The following ERMP1 variants were observed in gnomAD, a reference collection of about 807,000 sequenced individuals.
ERMP1 encodes Felix-ina.
Under a neutral mutation model 92.0 loss-of-function variants are expected in ERMP1, and 86 were observed. That is an observed-to-expected ratio of 0.93 (90% CI 0.79 to 1.12). The LOEUF is 1.12. Among genes scored for constraint, ERMP1 ranks in the 50% most tolerant of loss-of-function variants. The pLI, the probability that ERMP1 is intolerant of heterozygous loss-of-function variation, is 0.00. For synonymous variants in ERMP1, 530 were observed against 412.8 expected (o/e 1.28, Z -3.44); for missense variants, 1,342 against 1,116.3 (o/e 1.20, Z -2.88).
chr9:5,832,158 G>A (rs10975308), intron 1 of ERMP1, among the ~76,000 whole-genome samples: 1 of 151,740 alleles, frequency 6.6e-6, no homozygotes, highest in African/African-American at 2.4e-5. Flanking sequence ...GCAGGGATCT[G>A]AGAATTTATC....
chr9:5,836,083 C>G (rs1355483746), upstream of ERMP1, among the ~76,000 whole-genome samples: 5 of 152,204 alleles, frequency 3.3e-5, no homozygotes, highest in Admixed American at 6.5e-5. Flanking sequence ...AAAGTAAGAG[C>G]TAAACTGACT....
At position 5,832,735 on chromosome 9, in the gene ERMP1, C is replaced by T. The variant is rs1293064392; in HGVS notation, c.293G>A (p.Arg98His). 10 of 1,496,454 alleles carry T rather than the reference C, an allele frequency of 6.7e-6. No homozygotes were observed. Among genetic ancestry groups the T allele is most frequent in the Non-Finnish European group, 8.8e-6 (10 of 1,131,728 alleles). 92.7% of individuals were successfully genotyped at this position (1,496,454 alleles called of 1,614,324 possible). A position where few individuals can be genotyped will look rare whatever the true frequency, so the allele number is the denominator to read the frequency against. The change falls in exon 1 of 15, where the codon CGC (arginine) becomes CAC (histidine). Residue 98 changes from arginine (R) to histidine (H), a missense_variant. Arg to His is a conservative substitution (Grantham distance 29). Transcript: ENST00000339450. Reference protein sequence around the residue: ...VQLSLQQLVLRGAAGHRGEFD... With the variant: ...VQLSLQQLVLHGAAGHRGEFD... The stretch of plus-strand genomic sequence containing the variant: ...CTCCCCGCGGTGTCCAGCGGCCCCG[C>T]GTAGCACGAGCTGCTGCAGCGAGAG...
chr9:5,835,313 C>G (rs1830078443), upstream of ERMP1, among the ~76,000 whole-genome samples: 1 of 151,634 alleles, frequency 6.6e-6, no homozygotes, highest in South Asian at 2.1e-4. Flanking sequence ...AATGTTTCTA[C>G]CTTCAGAGAG....
intron 5 of ERMP1, among the ~76,000 whole-genome samples, chr9:5,860,983 T>G (rs1379985248): frequency 6.6e-6 from 1 of 152,204 alleles, no homozygotes. Flanking sequence ...TGCCAGCACC[T>G]TGATATTGGA....
At chr9:5,804,941 G>C in intron 10 of ERMP1, 86 bp downstream of exon 10, 4 of 1,007,182 alleles carry the variant, frequency 4.0e-6, no homozygotes, top group Non-Finnish European at 5.9e-6. Context: ...TAAAGTACAC[G>C]TAACACTATT....
intron 8 of ERMP1, among the ~76,000 whole-genome samples, chr9:5,809,591 T>C (rs983658435): frequency 6.6e-6 from 1 of 152,240 alleles, no homozygotes; most frequent in African/African-American, 2.4e-5. Context: ...GTGTTAATGC[T>C]GTGTGTCAGA....
intron 6 of ERMP1, among the ~76,000 whole-genome samples, chr9:5,843,244 C>G (rs1036470591): frequency 2.0e-5 from 3 of 152,226 alleles, no homozygotes; most frequent in African/African-American, 7.2e-5. Context: ...AACCATAGCT[C>G]TGCGGAATTT....
chr9:5,819,875 G>A (rs888077915), intron 4 of ERMP1, among the ~76,000 whole-genome samples: 30 of 152,318 alleles, frequency 2.0e-4, no homozygotes, highest in Middle Eastern at 3.4e-3. Context: ...GGGGGAAAAT[G>A]GGAGTGACTG....
At chr9:5,818,027 A>G (rs900128528) in intron 4 of ERMP1, among the ~76,000 whole-genome samples, 7 of 152,290 alleles carry the variant, frequency 4.6e-5, no homozygotes, top group Non-Finnish European at 1.0e-4. Context: ...AGAATAGATC[A>G]CATGGTGGAT....
intron 8 of ERMP1, among the ~76,000 whole-genome samples, chr9:5,807,556 G>A (rs1259861059): frequency 2.0e-5 from 3 of 152,102 alleles, no homozygotes; most frequent in East Asian, 3.9e-4. Flanking sequence ...GACCAGCCTG[G>A]CCAACATGGT....
chr9:5,863,333 G>C (rs1017914264), intron 5 of ERMP1, among the ~76,000 whole-genome samples: 1 of 152,138 alleles, frequency 6.6e-6, no homozygotes, highest in Admixed American at 6.5e-5. Context: ...CCTGGGATTT[G>C]GCATATCCCA....
At chr9:5,838,562 T>C (rs1023516915) in intron 6 of ERMP1, among the ~76,000 whole-genome samples, 1 of 151,556 alleles carries the variant, frequency 6.6e-6, no homozygotes, top group African/African-American at 2.4e-5. Flanking sequence ...GAAGAATTCA[T>C]GGTTTTTGAT....
Position 5,787,310 on chromosome 9 carries a change from T to G in ERMP1, c.2551-2A>C. ...TCCTTCAGGATGTTCTTCTGAAACC[T>G]GCCAGAGAAAATCAATTAGTTCTCC... On this transcript the variant is annotated splice_acceptor_variant, in intron 14 of 14. Transcript: ENST00000339450. LOFTEE classifies it high-confidence loss of function. The G allele has an allele frequency of 6.2e-7, 1 of 1,610,854 alleles. No homozygotes were observed. The highest frequency in any genetic ancestry group is 8.5e-7 in the Non-Finnish European group (1 of 1,178,714).
intron 5 of ERMP1, among the ~76,000 whole-genome samples, chr9:5,862,069 A>G (rs980806102): frequency 3.9e-5 from 6 of 151,926 alleles, no homozygotes; most frequent in Non-Finnish European, 8.8e-5. Flanking sequence ...TCCTTCTGTC[A>G]CCCCAGCTGG....
chr9:5,858,985 C>T (rs1471436624), intron 6 of ERMP1, among the ~76,000 whole-genome samples: 3 of 152,212 alleles, frequency 2.0e-5, no homozygotes, highest in African/African-American at 7.2e-5. Flanking sequence ...CAGACATGAA[C>T]TAATTTCATA....
At chr9:5,791,741 G>T (rs1346866609) in intron 13 of ERMP1, among the ~76,000 whole-genome samples, 6 of 152,124 alleles carry the variant, frequency 3.9e-5, no homozygotes, top group Non-Finnish European at 8.8e-5. Context: ...TGCTTTAAAA[G>T]AAAAACAGTT....
upstream of ERMP1, among the ~76,000 whole-genome samples, chr9:5,833,909 A>G (rs570545102): frequency 6.6e-6 from 1 of 152,286 alleles, no homozygotes; most frequent in African/African-American, 2.4e-5. Flanking sequence ...CCTAGTGATT[A>G]TCTAGTCTTC....
intron 6 of ERMP1, among the ~76,000 whole-genome samples, chr9:5,852,471 G>T (rs1430549649): frequency 6.6e-6 from 1 of 151,794 alleles, no homozygotes; most frequent in East Asian, 1.9e-4. Context: ...GCCCAGGCTG[G>T]TCTCGAACTC....
chr9:5,864,929 G>C (rs1830607795), intron 5 of ERMP1, among the ~76,000 whole-genome samples: 1 of 152,064 alleles, frequency 6.6e-6, no homozygotes, highest in Admixed American at 6.5e-5. Flanking sequence ...TATAACATGA[G>C]ATCCTAACTT....
Sources: gnomAD v4.1 joint callset for allele counts (sites outside exome capture counted in the v4.1 genomes callset) on GRCh38, gnomAD v4.1.1 for gene constraint, MANE v1.5 for transcripts, NCBI Gene and HGNC (gene_info 2026-07-23, HGNC 2026-07-21) for gene names.